The following ELK4 variants were observed in gnomAD, a reference collection of about 807,000 sequenced individuals.
The protein encoded by ELK4 is ETS domain-containing protein Elk-4.
Under a neutral mutation model 29.6 loss-of-function variants are expected in ELK4, and 16 were observed. The observed-to-expected ratio is 0.54, with a 90% CI of 0.37 to 0.82. The LOEUF is 0.82. Ranked by LOEUF, ELK4 falls within the 40% of genes least tolerant of loss-of-function variation. The pLI is 0.00. For synonymous variants in ELK4, 213 were observed against 191.1 expected, an observed-to-expected ratio of 1.11 and a Z score of -0.95; for missense variants, 465 against 507.1, an observed-to-expected ratio of 0.92 and a Z score of 0.80.
At chr1:205,629,922 T>C (rs1275880673) in intron 1 of ELK4, among the ~76,000 whole-genome samples, 1 of 151,278 alleles carries the variant, frequency 6.6e-6, no homozygotes, top group African/African-American at 2.4e-5. Flanking sequence ...GGTATGGTAG[T>C]GCGTGACTAC....
At position 205,615,940 on chromosome 1, in the gene ELK4, CT is replaced by C; in HGVS notation, c.*605del. The C allele has an allele frequency of 9.2e-6, 2 of 218,292 alleles. No homozygotes were observed. Among genetic ancestry groups the C allele is most frequent in the Non-Finnish European group, 1.8e-5 (2 of 108,738 alleles). The allele number at this position is 218,292 out of a possible 1,614,324, so 13.5% of individuals were successfully genotyped here. On this transcript the variant is annotated 3_prime_UTR_variant, in exon 5 of 5. Transcript: ENST00000357992. ...CCCTGAATAAAGGTAAACAAGATGC[CT>C]TTTCATGGAGTTGCTTACACGTTAT...
In ELK4 at chr1:205,610,701, A is replaced by T. The variant is rs1202351877; in HGVS notation, c.*5845T>A. The T allele has an allele frequency of 1.3e-5, 3 of 231,756 alleles. No individual in the cohort carries two copies. Among genetic ancestry groups the T allele is most frequent in the South Asian group, 1.8e-4 (1 of 5,530 alleles). 14.4% of individuals were successfully genotyped at this position (231,756 alleles called of 1,614,324 possible). ...AAGTGGCAACTGCAAAGTGCAGCAA[A>T]TTTTTTTAAGTTTTAGTATAAAATA... On this transcript the variant is annotated 3_prime_UTR_variant, in exon 5 of 5. Coordinates refer to ENST00000357992, the MANE Select transcript of ELK4 (RefSeq NM_001973.4).
Position 205,615,034 on chromosome 1 carries a change from TTAC to T in ELK4, c.*1509_*1511del, listed in dbSNP as rs980203835. 2.5e-5 allele frequency: 5 copies of T among 199,334 alleles called. No individual in the cohort carries two copies. Among genetic ancestry groups the T allele is most frequent in the African/African-American group, 9.2e-5 (4 of 43,396 alleles). 12.3% of individuals were successfully genotyped at this position (199,334 alleles called of 1,614,324 possible). A position where few individuals can be genotyped will look rare whatever the true frequency, so the allele number is the denominator to read the frequency against. On this transcript the variant is annotated 3_prime_UTR_variant, in exon 5 of 5. Coordinates refer to ENST00000357992, the MANE Select transcript of ELK4 (RefSeq NM_001973.4). ...ATGTAGAGAATAAGGCCTACATTTT[TTAC>T]TACTAATATGAACAATCCAATCCCT...
chr1:205,609,361 A>G lies in ELK4; in HGVS notation c.*7185T>C, dbSNP rs1237611347. 3 of 192,276 alleles carry G rather than the reference A, an allele frequency of 1.6e-5. No homozygotes were observed. Among genetic ancestry groups the G allele is most frequent in the African/African-American group, 7.0e-5 (3 of 43,118 alleles). 11.9% of individuals were successfully genotyped at this position (192,276 alleles called of 1,614,324 possible). A position where few individuals can be genotyped will look rare whatever the true frequency, so the allele number is the denominator to read the frequency against. The stretch of plus-strand genomic sequence containing the variant: ...TAGCAAAATGACTGGACTGAATTTC[A>G]TATTTAATCTTCCCTGCCCACAAAG... On this transcript the variant is annotated 3_prime_UTR_variant, in exon 5 of 5. Coordinates refer to ENST00000357992, the MANE Select transcript of ELK4 (RefSeq NM_001973.4).
At position 205,619,100 on chromosome 1, in the gene ELK4, A is replaced by G. The variant is rs778343800; in HGVS notation, c.1081-27T>C. On this transcript the variant is annotated intron_variant, in intron 3 of 4. Transcript: ENST00000357992. ...TGCAATACACAAAGCAAAAATATTC[A>G]CTGACTGACTTACCAGGATGTTTTA... 4.1e-6 allele frequency: 6 copies of G among 1,481,060 alleles called. No homozygotes were observed. In the East Asian group the frequency reaches 1.4e-4, roughly 36 times the overall value. The allele number at this position is 1,481,060 out of a possible 1,614,324, so 91.7% of individuals were successfully genotyped here. A position where few individuals can be genotyped will look rare whatever the true frequency, so the allele number is the denominator to read the frequency against.
rs751949593 is a variant in ELK4, at chr1:205,611,119, T to C, written c.*5427A>G. The C allele has an allele frequency of 2.3e-5, 5 of 215,534 alleles. No homozygotes were observed. Among genetic ancestry groups the C allele is most frequent in the Non-Finnish European group, 4.7e-5 (5 of 106,978 alleles). The allele number at this position is 215,534 out of a possible 1,614,324, so 13.4% of individuals were successfully genotyped here. A position where few individuals can be genotyped will look rare whatever the true frequency, so the allele number is the denominator to read the frequency against. ...ACAAACCACTCTGGATTTTCATATT[T>C]CACAATAAGTAAGTGTGGATGGCAG... is the stretch of plus-strand genomic sequence containing the variant. On this transcript the variant is annotated 3_prime_UTR_variant, in exon 5 of 5. Transcript: ENST00000357992.
At position 205,620,819 on chromosome 1, in the gene ELK4, T is replaced by C; in HGVS notation, c.227A>G (p.Asn76Ser). Residue 76 changes from asparagine to serine, a missense_variant, in exon 3 of 5, where the codon AAT becomes AGT. Asn to Ser is a conservative substitution (Grantham distance 46). Around this residue, in one of 2 missense-constraint regions of ELK4, gnomAD observed 385 missense variants for 387.5 expected, o/e 0.99. Coordinates refer to ENST00000357992, the MANE Select transcript of ELK4 (RefSeq NM_001973.4). ...AAACTTGTACACAAACTTCTGACCA[T>C]TCACTTTTTTGATGATATTCTGTAG... is the stretch of plus-strand genomic sequence containing the variant. ...YYVKNIIKKV[N>S]GQKFVYKFVS... 1 of 1,610,146 alleles carries C rather than the reference T, an allele frequency of 6.2e-7. No individual in the cohort carries two copies. The highest frequency in any genetic ancestry group is 2.2e-5 in the East Asian group (1 of 44,850).
In ELK4 at chr1:205,618,944, T is replaced by C. The variant is rs967734498; in HGVS notation, c.1197+13A>G. The C allele has an allele frequency of 1.3e-6, 2 of 1,585,204 alleles. No homozygotes were observed. The highest frequency in any genetic ancestry group is 2.2e-5 in the East Asian group (1 of 44,604). Reference sequence around the variant, plus strand: ...ATGCTCCAACTACAGAAGACAGATATTTATAAAATTACCTGGAAAAGTGTG... The same window carrying C: ...ATGCTCCAACTACAGAAGACAGATACTTATAAAATTACCTGGAAAAGTGTG... On this transcript the variant is annotated intron_variant, in intron 4 of 4. Transcript: ENST00000357992.
chr1:205,627,735 T>TACCTACTTC (rs1173819364), intron 1 of ELK4, among the ~76,000 whole-genome samples: 1 of 152,200 alleles, frequency 6.6e-6, no homozygotes, highest in African/African-American at 2.4e-5. Flanking sequence ...GGGTCAACTA[T>TACCTACTTC]ACCTACTTCC....
chr1:205,628,793 G>A (rs1028103250), intron 1 of ELK4, among the ~76,000 whole-genome samples: 14 of 152,064 alleles, frequency 9.2e-5, no homozygotes, highest in African/African-American at 3.4e-4. Flanking sequence ...CTGCTTTAAG[G>A]TAGAACCGAG....
In ELK4 at chr1:205,610,716, A is replaced by C. The variant is rs1670137741; in HGVS notation, c.*5830T>G. The C allele has an allele frequency of 4.3e-6, 1 of 231,930 alleles. No individual in the cohort carries two copies. 14.4% of individuals were successfully genotyped at this position (231,930 alleles called of 1,614,324 possible). Reference sequence around the variant, plus strand: ...AGTGCAGCAAATTTTTTTAAGTTTTAGTATAAAATAGACTAGGAGCCATCA... The same window carrying C: ...AGTGCAGCAAATTTTTTTAAGTTTTCGTATAAAATAGACTAGGAGCCATCA... On this transcript the variant is annotated 3_prime_UTR_variant, in exon 5 of 5. Transcript: ENST00000357992.
rs771138616 is a variant in ELK4 at position 205,620,040 on chromosome 1, T to C, written c.1006A>G (p.Ser336Gly). ...ELAPTLVITS[S>G]DPSPLGILSP... ...AGTATTCCCAGTGGGCTTGGATCAC[T>C]GCTCGTGATCACAAGGGTGGGTGCC... Residue 336 changes from serine to glycine, a missense_variant, in exon 3 of 5, where the codon AGT becomes GGT. By Grantham distance (56) the Ser-to-Gly change is moderately conservative (BLOSUM62 0). Around this residue, in one of 2 missense-constraint regions of ELK4, gnomAD observed 80 missense variants for 119.6 expected, o/e 0.67. Transcript: ENST00000357992. The C allele has an allele frequency of 5.6e-6, 9 of 1,614,132 alleles. No individual in the cohort carries two copies. In the Middle Eastern group the frequency reaches 1.2e-3, roughly 206 times the overall value.
At chr1:205,626,441 C>T (rs1307413266) in intron 1 of ELK4, among the ~76,000 whole-genome samples, 1 of 152,120 alleles carries the variant, frequency 6.6e-6, no homozygotes, top group Non-Finnish European at 1.5e-5. Context: ...AGTTTCTGTT[C>T]CCTTTCTGAC....
rs1670131686 is a variant in ELK4, at chr1:205,610,193, C to T, written c.*6353G>A. On this transcript the variant is annotated 3_prime_UTR_variant, in exon 5 of 5. Transcript: ENST00000357992. ...TCCTCCCCGACCCCATCCAGAAGAT[C>T]CCAGGCCTATGTGAGCATGACTCAC... 2 of 231,906 alleles carry T rather than the reference C, an allele frequency of 8.6e-6. No homozygotes were observed. The highest frequency in any genetic ancestry group is 1.2e-4 in the East Asian group (2 of 16,432). 14.4% of individuals were successfully genotyped at this position (231,906 alleles called of 1,614,324 possible). A position where few individuals can be genotyped will look rare whatever the true frequency, so the allele number is the denominator to read the frequency against.
rs1670128065 is a variant in ELK4, at chr1:205,609,917, T to C, written c.*6629A>G. ...ATTTATCCCTTCTACAAACACCCTATAAATTCCAGAAAACATAAACAAGAA... is the reference window on the plus strand; with the variant it reads ...ATTTATCCCTTCTACAAACACCCTACAAATTCCAGAAAACATAAACAAGAA... On this transcript the variant is annotated 3_prime_UTR_variant, in exon 5 of 5. Coordinates refer to ENST00000357992, the MANE Select transcript of ELK4 (RefSeq NM_001973.4). 4.4e-6 allele frequency: 1 copy of C among 228,676 alleles called. No individual in the cohort carries two copies. The highest frequency in any genetic ancestry group is 5.7e-5 in the Admixed American group (1 of 17,644). 14.2% of individuals were successfully genotyped at this position (228,676 alleles called of 1,614,324 possible).
chr1:205,613,151 A>C lies in ELK4; in HGVS notation c.*3395T>G. Reference sequence around the variant, plus strand: ...TGCCATGAGCAATATAACATCACAAACGTACTGTGACAAACCATTAATAAA... The same window carrying C: ...TGCCATGAGCAATATAACATCACAACCGTACTGTGACAAACCATTAATAAA... On this transcript the variant is annotated 3_prime_UTR_variant, in exon 5 of 5. Coordinates refer to ENST00000357992, the MANE Select transcript of ELK4 (RefSeq NM_001973.4). The C allele has an allele frequency of 1.0e-5, 2 of 196,368 alleles. No individual in the cohort carries two copies. Among genetic ancestry groups the C allele is most frequent in the Non-Finnish European group, 2.1e-5 (2 of 94,562 alleles). 12.2% of individuals were successfully genotyped at this position (196,368 alleles called of 1,614,324 possible). A position where few individuals can be genotyped will look rare whatever the true frequency, so the allele number is the denominator to read the frequency against.
chr1:205,628,146 C>A (rs747016653), intron 1 of ELK4, among the ~76,000 whole-genome samples: 3 of 152,210 alleles, frequency 2.0e-5, no homozygotes, highest in Non-Finnish European at 2.9e-5. Flanking sequence ...GAAATCGGTT[C>A]CCCATAGCCT....
intron 1 of ELK4, among the ~76,000 whole-genome samples, chr1:205,629,879 CCT>C (rs1670543544): frequency 6.6e-6 from 1 of 151,888 alleles, no homozygotes; most frequent in Non-Finnish European, 1.5e-5. Context: ...ATGTTGAAAC[CCT>C]GTCTTTACCA....
rs909359332 is a variant in ELK4, at chr1:205,631,863, G to A, written c.-241C>T. Reference sequence around the variant, plus strand: ...CGCCCCGCCCTCCCCGCCCCCGCACGCGGCAGCGGCGGCGCGGGTCTTGGG... The same window carrying A: ...CGCCCCGCCCTCCCCGCCCCCGCACACGGCAGCGGCGGCGCGGGTCTTGGG... On this transcript the variant is annotated 5_prime_UTR_variant, in exon 1 of 5. Transcript: ENST00000357992. 6.8e-6 allele frequency: 1 copy of A among 148,108 alleles called. No individual in the cohort carries two copies. Among genetic ancestry groups the A allele is most frequent in the Non-Finnish European group, 1.5e-5 (1 of 66,624 alleles). The allele number at this position is 148,108 out of a possible 1,614,324, so 9.2% of individuals were successfully genotyped here.
Sources: gnomAD v4.1 joint callset for allele counts (sites outside exome capture counted in the v4.1 genomes callset) on GRCh38, gnomAD v4.1.1 for gene constraint, gnomAD v4.1.1 regional missense constraint, MANE v1.5 for transcripts, NCBI Gene and HGNC (gene_info 2026-07-23, HGNC 2026-07-21) for gene names.